Variants in PLEKHA4 observed in about 807,000 individuals in gnomAD.
PLEKHA4 encodes the protein pleckstrin homology domain containing A4, also known as pleckstrin homology domain-containing family A member 4.
In PLEKHA4, 73 loss-of-function variants were observed where a neutral mutation model predicts 94.7. The observed-to-expected ratio is 0.77, with a 90% CI of 0.64 to 0.94. The LOEUF is 0.94. Among genes scored for constraint, PLEKHA4 ranks in the 40% least tolerant of loss-of-function variants. The pLI is 0.00. For synonymous variants in PLEKHA4, 449 were observed against 437.1 expected (o/e 1.03, Z -0.34); for missense variants, 1,049 against 1,054.1 (o/e 1.00, Z 0.07).
At chr19:48,865,691 G>A (rs550776583) in intron 2 of PLEKHA4, 81 bp from the exon 3 acceptor site, 24 of 936,220 alleles carry the variant, frequency 2.6e-5, no homozygotes, top group African/African-American at 3.4e-5. Context: ...ACAGGCAACC[G>A]TAGGCTCTCG....
At position 48,837,559 on chromosome 19, in the gene PLEKHA4, G is replaced by A; in HGVS notation, c.2078-8C>T. 1 of 1,613,230 alleles carries A rather than the reference G, an allele frequency of 6.2e-7. No individual in the cohort carries two copies. The highest frequency in any genetic ancestry group is 8.5e-7 in the Non-Finnish European group (1 of 1,179,744). On this transcript the variant is annotated splice_polypyrimidine_tract_variant and splice_region_variant and intron_variant, in intron 19 of 19. Coordinates refer to ENST00000263265, the MANE Select transcript of PLEKHA4 (RefSeq NM_020904.3). The surrounding 1 kb of genome is among the most constrained non-coding windows in gnomAD (Gnocchi z 4.3). The stretch of plus-strand genomic sequence containing the variant: ...GGGAGTCCAAATTTCCACCTGGAGA[G>A]GATGAGTGGGACATGAGAATGGCAA...
chr19:48,848,512 G>T (rs1383298638), intron 13 of PLEKHA4, among the ~76,000 whole-genome samples: 1 of 147,660 alleles, frequency 6.8e-6, no homozygotes, highest in Non-Finnish European at 1.5e-5. Context: ...CTGTCTTTTG[G>T]CCAGGCGTGG....
chr19:48,841,557 G>C (rs957626688), intron 16 of PLEKHA4, among the ~76,000 whole-genome samples: 1 of 151,920 alleles, frequency 6.6e-6, no homozygotes, highest in Non-Finnish European at 1.5e-5. Context: ...AACCCCAGAG[G>C]TGGAGGTTGC....
At chr19:48,840,741 T>G (rs907701594) in intron 17 of PLEKHA4, among the ~76,000 whole-genome samples, 1 of 152,110 alleles carries the variant, frequency 6.6e-6, no homozygotes, top group Admixed American at 6.6e-5. Context: ...GGAAAACGTC[T>G]AAGGGGAAAC....
At chr19:48,859,224 ATG>A (rs768226840) in intron 7 of PLEKHA4, 85 bp from the exon 8 acceptor site, 41 of 1,103,918 alleles carry the variant, frequency 3.7e-5, no homozygotes, top group Non-Finnish European at 5.2e-5. Context: ...CCTCAAGGAC[ATG>A]TCTCACTTCA....
At chr19:48,852,145 G>C in intron 13 of PLEKHA4, 83 bp downstream of exon 13, 5 of 1,082,396 alleles carry the variant, frequency 4.6e-6, no homozygotes, top group Non-Finnish European at 7.1e-6. Flanking sequence ...TCGATTCTGT[G>C]GGCGAAGATT....
At position 48,861,775 on chromosome 19, in the gene PLEKHA4, C is replaced by T. The variant is rs537865902; in HGVS notation, c.193-83G>A. ...AGGCAGTGACGATGGGGACAGAGAG[C>T]CAGAGAGAGAAAGAAACTTGGAGAG... On this transcript the variant is annotated intron_variant, in intron 3 of 19. Transcript: ENST00000263265. 5.6e-6 allele frequency: 7 copies of T among 1,244,646 alleles called. No homozygotes were observed. In the East Asian group the frequency reaches 1.2e-4, roughly 22 times the overall value. The allele number at this position is 1,244,646 out of a possible 1,614,324, so 77.1% of individuals were successfully genotyped here. A position where few individuals can be genotyped will look rare whatever the true frequency, so the allele number is the denominator to read the frequency against.
intron 18 of PLEKHA4, 129 bp downstream of exon 18, chr19:48,839,076 A>C: frequency 1.4e-5 from 7 of 489,338 alleles, no homozygotes; most frequent in Non-Finnish European, 1.8e-5. Flanking sequence ...TGCCCCGGGA[A>C]CTTAAGCATC....
At chr19:48,866,918 TCTC>T (rs781753560) in intron 2 of PLEKHA4, among the ~76,000 whole-genome samples, 1 of 152,036 alleles carries the variant, frequency 6.6e-6, no homozygotes, top group East Asian at 1.9e-4. Context: ...TGGAGCCTCA[TCTC>T]CTGATGCCCA....
At chr19:48,861,555 C>T in intron 4 of PLEKHA4, 54 bp from the exon 5 acceptor site, 1 of 1,612,688 alleles carries the variant, frequency 6.2e-7, no homozygotes, top group Admixed American at 1.7e-5. Flanking sequence ...GGCCAAGATG[C>T]TAGAGAGAAG....
In PLEKHA4 at chr19:48,859,096, G is replaced by T; in HGVS notation, c.736C>A (p.Pro246Thr). ...CGCGCAGGGGCAGAACGGGGACGGG[G>T]GAGGCTCAGAGGCGAGGGAGGGCGA... ...LSRPPSPLSL[P>T]RPRSAPARRP... The change falls in exon 8 of 20, where the codon CCC becomes ACC. Residue 246 changes from proline to threonine, a missense_variant. Pro to Thr is a conservative substitution (Grantham distance 38). Coordinates refer to ENST00000263265, the MANE Select transcript of PLEKHA4 (RefSeq NM_020904.3). 6.7e-7 allele frequency: 1 copy of T among 1,495,370 alleles called. No homozygotes were observed. Among genetic ancestry groups the T allele is most frequent in the Non-Finnish European group, 8.9e-7 (1 of 1,121,910 alleles). 92.6% of individuals were successfully genotyped at this position (1,495,370 alleles called of 1,614,324 possible).
intron 13 of PLEKHA4, among the ~76,000 whole-genome samples, chr19:48,849,534 C>G (rs914048626): frequency 1.3e-5 from 2 of 152,100 alleles, no homozygotes; most frequent in African/African-American, 4.8e-5. Flanking sequence ...GTCTCCAACT[C>G]CTGACCTCAA....
At chr19:48,863,538 C>T (rs1232955290) in intron 3 of PLEKHA4, among the ~76,000 whole-genome samples, 1 of 151,428 alleles carries the variant, frequency 6.6e-6, no homozygotes, top group East Asian at 1.9e-4. Flanking sequence ...TCACGCCATT[C>T]TCCTACCTCA....
In PLEKHA4 at chr19:48,847,893, G is replaced by A. The variant is rs573543623; in HGVS notation, c.1566+7C>T. 144 of 1,552,432 alleles carry A rather than the reference G, an allele frequency of 9.3e-5. No individual in the cohort carries two copies. The South Asian group carries it at 1.0e-3, about 11-fold the overall frequency. Reference sequence around the variant, plus strand: ...CTTGGGGTGGGGAGGAATTATGTGCGTCTTACCTCCCTCTCTGAGGACTCC... The same window carrying A: ...CTTGGGGTGGGGAGGAATTATGTGCATCTTACCTCCCTCTCTGAGGACTCC... On this transcript the variant is annotated splice_region_variant and intron_variant, in intron 14 of 19. Transcript: ENST00000263265.
intron 16 of PLEKHA4, chr19:48,844,451 A>G (rs10413941): frequency 0.28 from 279,340 of 984,600 alleles, 46,248 homozygotes; most frequent in African/African-American, 0.72. Context: ...CACGGTTCCC[A>G]GCCCCAAGAA....
In PLEKHA4 at chr19:48,846,700, G is replaced by A. The variant is rs150097794; in HGVS notation, c.1567-1084C>T. ...AGAGAATCACTTAAGCCCCAGAGAT[G>A]GAGGTTCCAGTGAGCTGTGATGGCA... On this transcript the variant is annotated intron_variant, in intron 14 of 19. Coordinates refer to ENST00000263265, the MANE Select transcript of PLEKHA4 (RefSeq NM_020904.3). 7.5e-4 allele frequency among the ~76,000 whole-genome samples: 114 copies of A among 152,182 alleles called. 1 individual carries two copies. Among genetic ancestry groups the A allele is most frequent in the African/African-American group, 2.6e-3 (110 of 41,518 alleles).
chr19:48,857,637 A>G (rs1345692657), intron 8 of PLEKHA4, 141 bp from the exon 9 acceptor site: 4 of 612,198 alleles, frequency 6.5e-6, no homozygotes, highest in Non-Finnish European at 1.2e-5. Context: ...GCTCTCTGAA[A>G]CATGTGCTGT....
Position 48,865,627 on chromosome 19 carries a change from A to T in PLEKHA4, c.85-17T>A. 3 of 1,549,968 alleles carry T rather than the reference A, an allele frequency of 1.9e-6. No homozygotes were observed. Among genetic ancestry groups the T allele is most frequent in the Non-Finnish European group, 2.7e-6 (3 of 1,123,364 alleles). Reference sequence around the variant, plus strand: ...GGTGGGCTTCTGAGGAGAGAAGGGGACAGAAGTGAACAGGGAGAGCCTAGG... The same window carrying T: ...GGTGGGCTTCTGAGGAGAGAAGGGGTCAGAAGTGAACAGGGAGAGCCTAGG... On this transcript the variant is annotated splice_polypyrimidine_tract_variant and intron_variant, in intron 2 of 19. Coordinates refer to ENST00000263265, the MANE Select transcript of PLEKHA4 (RefSeq NM_020904.3).
rs1453781948 is a variant in PLEKHA4, at chr19:48,837,259, C to A, written c.*30G>T. 2 of 1,614,028 alleles carry A rather than the reference C, an allele frequency of 1.2e-6. No individual in the cohort carries two copies. Among genetic ancestry groups the A allele is most frequent in the Non-Finnish European group, 1.7e-6 (2 of 1,180,006 alleles). On this transcript the variant is annotated 3_prime_UTR_variant, in exon 20 of 20. Coordinates refer to ENST00000263265, the MANE Select transcript of PLEKHA4 (RefSeq NM_020904.3). This position sits in a 1 kb window ranked among gnomAD's most constrained non-coding sequence, Gnocchi z 4.3. ...GCGGTACCTCCAGACCACGTCCTCG[C>A]GCTCCGATTGGCTGCCGCTTTTGGG...
Sources: allele counts gnomAD v4.1 joint callset (sites outside exome capture counted in the v4.1 genomes callset), GRCh38; gene constraint gnomAD v4.1.1; non-coding constraint Gnocchi (gnomAD v3.1); transcripts MANE v1.5; gene names NCBI Gene and HGNC (gene_info 2026-07-23, HGNC 2026-07-21).